Variants in NOTCH3 observed in about 807,000 individuals in gnomAD.
NOTCH3 encodes the protein neurogenic locus notch homolog protein 3.
A neutral mutation model predicts 213.3 loss-of-function variants in NOTCH3; 86 were observed. The ratio of observed to expected loss-of-function variants is 0.40; its 90% CI spans 0.34 to 0.48. The LOEUF (loss-of-function observed/expected upper bound fraction) is 0.48. NOTCH3 is among the 20% of genes least tolerant of loss of function. NOTCH3 has a pLI of 0.57. For synonymous variants in NOTCH3, 1,354 were observed against 1,355.9 expected (o/e 1.00, Z 0.03); for missense variants, 2,783 against 3,272.6 (o/e 0.85, Z 3.65).
At position 15,161,248 on chromosome 19, in the gene NOTCH3, T is replaced by C; in HGVS notation, c.6380A>G (p.Tyr2127Cys). ...SPGGFPLEGP[Y>C]AAATATAVSL... ...CACTGCAGTGGCAGTGGCAGCTGCA[T>C]AGGGCCCCTCAAGGGGGAAGCCACC... The change falls in exon 33 of 33, where the codon TAT becomes TGT. Residue 2127 changes from tyrosine (Y) to cysteine (C), a missense_variant. By Grantham distance (194) the Tyr-to-Cys change is radical. Around this residue, in one of 6 missense-constraint regions of NOTCH3, gnomAD observed 441 missense variants for 432.1 expected, o/e 1.02. Transcript: ENST00000263388. The C allele has an allele frequency of 1.9e-6, 3 of 1,547,454 alleles. No individual in the cohort carries two copies. Among genetic ancestry groups the C allele is most frequent in the Admixed American group, 2.0e-5 (1 of 50,924 alleles).
chr19:15,188,045 C>T (rs1317613049), intron 9 of NOTCH3, 51 bp from the exon 10 acceptor site: 2 of 1,374,328 alleles, frequency 1.5e-6, no homozygotes, highest in East Asian at 2.5e-5. Flanking sequence ...GAGAGCAGTA[C>T]ACCCCTCTCC....
chr19:15,178,281 T>C (rs532009082), intron 23 of NOTCH3, 191 bp from the exon 24 acceptor site: 335 of 540,958 alleles, frequency 6.2e-4, no homozygotes, highest in African/African-American at 6.1e-3. Flanking sequence ...CTTTCCACAC[T>C]GGAGACCCCA....
In NOTCH3 at chr19:15,176,121, T is replaced by C. The variant is rs567225845; in HGVS notation, c.4403+1404A>G. On this transcript the variant is annotated intron_variant, in intron 24 of 32. Transcript: ENST00000263388. ...CGGCCCAAGGATGGACAAACAGGAG[T>C]GGAGGAAGACAGTTGGGTACACAGA... 1.3e-4 allele frequency among the ~76,000 whole-genome samples: 20 copies of C among 148,852 alleles called. No individual in the cohort carries two copies. The South Asian group carries it at 4.2e-3, about 32-fold the overall frequency.
intron 29 of NOTCH3, among the ~76,000 whole-genome samples, chr19:15,166,509 G>A (rs1179583037): frequency 7.9e-6 from 1 of 127,148 alleles, no homozygotes. Flanking sequence ...TTTTAAAAGG[G>A]GGGGGGAAAA....
rs1345128367 is a variant in NOTCH3, at chr19:15,161,103, C to A, written c.6525G>T (p.Leu2175=). 2 of 1,539,406 alleles carry A rather than the reference C, an allele frequency of 1.3e-6. No homozygotes were observed. The highest frequency in any genetic ancestry group is 2.4e-5 in the East Asian group (1 of 41,258). ...AGGGGCCTGGAGGGGCAGGTGGGGGCAGCCGGGCCCAATCGAGGGGCACAG... is the reference window on the plus strand; with the variant it reads ...AGGGGCCTGGAGGGGCAGGTGGGGGAAGCCGGGCCCAATCGAGGGGCACAG... ...PVAVPLDWAR[L]PPPAPPGPSF... Residue 2175 remains leucine, a synonymous_variant, in exon 33 of 33, where the codon CTG becomes CTT. Coordinates refer to ENST00000263388, the MANE Select transcript of NOTCH3 (RefSeq NM_000435.3).
In NOTCH3 at chr19:15,191,763, A is replaced by G; in HGVS notation, c.784T>C (p.Cys262Arg). Residue 262 changes from cysteine (C) to arginine (R), a missense_variant, in exon 5 of 33, where the codon TGC (cysteine) becomes CGC (arginine). By Grantham distance (180) the Cys-to-Arg change is radical (BLOSUM62 -3). Around this residue, in one of 6 missense-constraint regions of NOTCH3, gnomAD observed 708 missense variants for 906.6 expected, o/e 0.78. Coordinates refer to ENST00000263388, the MANE Select transcript of NOTCH3 (RefSeq NM_000435.3). ...VDGVNTYNCQ[C>R]PPEWTGQFCT... Reference sequence around the variant, plus strand: ...TGCCCACCTGTCCACTCAGGAGGGCACTGGCAGTTATAGGTGTTGACGCCA... The same window carrying G: ...TGCCCACCTGTCCACTCAGGAGGGCGCTGGCAGTTATAGGTGTTGACGCCA... 1 of 1,613,870 alleles carries G rather than the reference A, an allele frequency of 6.2e-7. No homozygotes were observed. The highest frequency in any genetic ancestry group is 8.5e-7 in the Non-Finnish European group (1 of 1,180,028).
At chr19:15,188,063 C>T in intron 9 of NOTCH3, 69 bp from the exon 10 acceptor site, 1 of 1,290,260 alleles carries the variant, frequency 7.8e-7, no homozygotes, top group Non-Finnish European at 1.1e-6. Flanking sequence ...TCCAGCCCCG[C>T]CTTGTTTGGG....
At chr19:15,198,919 A>G (rs918139882) in intron 1 of NOTCH3, among the ~76,000 whole-genome samples, 2 of 151,204 alleles carry the variant, frequency 1.3e-5, no homozygotes, top group Non-Finnish European at 2.9e-5. Flanking sequence ...AAAAAAAAAA[A>G]GAGAGAGAGA....
At chr19:15,179,703 G>A in intron 20 of NOTCH3, 1 of 619,428 alleles carries the variant, frequency 1.6e-6, no homozygotes, top group Non-Finnish European at 2.9e-6. Flanking sequence ...CCAACATGGT[G>A]AAACCCTGTC....
chr19:15,173,506 G>A (rs1347762335), intron 25 of NOTCH3, among the ~76,000 whole-genome samples: 1 of 150,162 alleles, frequency 6.7e-6, no homozygotes, highest in East Asian at 2.0e-4. Context: ...GGGCTCAAGT[G>A]ATCCTCCAAG....
Position 15,192,511 on chromosome 19 carries a change from G to A in NOTCH3, c.206C>T (p.Pro69Leu), listed in dbSNP as rs2046938354. The change falls in exon 3 of 33, where the codon CCT becomes CTT. Residue 69 changes from proline to leucine, a missense_variant. This residue lies in a region of NOTCH3 where 708 missense variants were observed against 906.6 expected (regional missense o/e 0.78). Coordinates refer to ENST00000263388, the MANE Select transcript of NOTCH3 (RefSeq NM_000435.3). ...PSREAACLCP[P>L]GWVGERCQLE... ...CTGACACCGCTCACCCACCCAGCCAGGCGGGCACCTGTGGGCAGAGATGGC... is the reference window on the plus strand; with the variant it reads ...CTGACACCGCTCACCCACCCAGCCAAGCGGGCACCTGTGGGCAGAGATGGC... 6.3e-7 allele frequency: 1 copy of A among 1,588,328 alleles called. No homozygotes were observed. The highest frequency in any genetic ancestry group is 1.3e-5 in the African/African-American group (1 of 74,290).
chr19:15,177,598 G>C lies in NOTCH3; in HGVS notation c.4330C>G (p.Pro1444Ala). ...AGGCAGGCGGGCGAGCTGCAGGCGGGGTCGCAGCGGCTGTTGTTGAAGAGG... is the reference window on the plus strand; with the variant it reads ...AGGCAGGCGGGCGAGCTGCAGGCGGCGTCGCAGCGGCTGTTGTTGAAGAGG... ...WRLFNNSRCD[P>A]ACSSPACLYD... Residue 1444 changes from proline (P) to alanine (A), a missense_variant, in exon 24 of 33, where the codon CCC (proline) becomes GCC (alanine). This residue lies in a region of NOTCH3 where 636 missense variants were observed against 801.8 expected (regional missense o/e 0.79). Coordinates refer to ENST00000263388, the MANE Select transcript of NOTCH3 (RefSeq NM_000435.3). The C allele has an allele frequency of 6.3e-7, 1 of 1,599,388 alleles. No individual in the cohort carries two copies. The highest frequency in any genetic ancestry group is 8.5e-7 in the Non-Finnish European group (1 of 1,174,470).
chr19:15,161,025 G>A lies in NOTCH3; in HGVS notation c.6603C>T (p.Pro2201=), dbSNP rs200415679. 4.1e-5 allele frequency: 63 copies of A among 1,534,748 alleles called. No homozygotes were observed. The highest frequency in any genetic ancestry group is 8.4e-5 in the South Asian group (7 of 82,954). Residue 2201 remains proline (P), a synonymous_variant, in exon 33 of 33, where the codon CCC becomes CCT. Transcript: ENST00000263388. The stretch of plus-strand genomic sequence containing the variant: ...GCGGGGGCCGCTCCTGCGGGGAGAC[G>A]GGGGTCCCTGGGTTGAGCAGCTGGG... ...PGPQLLNPGT[P]VSPQERPPPY...
chr19:15,187,342 T>C lies in NOTCH3; in HGVS notation c.1607-4A>G, dbSNP rs1168453548. On this transcript the variant is annotated splice_polypyrimidine_tract_variant and splice_region_variant and intron_variant, in intron 10 of 32. Transcript: ENST00000263388. Reference sequence around the variant, plus strand: ...TCACACAGCGTGCCCTCAAAGCCTGTGGGGCCAAGAGGGTCAGGCTCCGCC... The same window carrying C: ...TCACACAGCGTGCCCTCAAAGCCTGCGGGGCCAAGAGGGTCAGGCTCCGCC... 3 of 1,612,254 alleles carry C rather than the reference T, an allele frequency of 1.9e-6. No individual in the cohort carries two copies. Among genetic ancestry groups the C allele is most frequent in the Non-Finnish European group, 2.5e-6 (3 of 1,179,326 alleles).
At chr19:15,200,688 G>C in intron 1 of NOTCH3, 100 bp downstream of exon 1, 2 of 940,410 alleles carry the variant, frequency 2.1e-6, no homozygotes, top group Non-Finnish European at 2.7e-6. Flanking sequence ...CCCCGACCCT[G>C]GTTCCTGCCT....
intron 28 of NOTCH3, 95 bp from the exon 29 acceptor site, chr19:15,167,506 CT>C: frequency 8.8e-7 from 1 of 1,137,740 alleles, no homozygotes; most frequent in Non-Finnish European, 1.3e-6. Flanking sequence ...ACAGGTTTCT[CT>C]TTAGGAGATA....
chr19:15,180,632 T>C (rs1001466688), intron 19 of NOTCH3, 49 bp downstream of exon 19: 11 of 1,537,912 alleles, frequency 7.2e-6, no homozygotes, highest in Non-Finnish European at 9.6e-6. Flanking sequence ...GGTACGTGCA[T>C]GAGCCCCTTC....
At position 15,187,304 on chromosome 19, in the gene NOTCH3, G is replaced by C; in HGVS notation, c.1641C>G (p.Asp547Glu). 3 of 1,613,888 alleles carry C rather than the reference G, an allele frequency of 1.9e-6. No individual in the cohort carries two copies. Among genetic ancestry groups the C allele is most frequent in the Non-Finnish European group, 2.5e-6 (3 of 1,179,978 alleles). ...FEGTLCDRNV[D>E]DCSPDPCHHG... ...GGTGGCATGGGTCAGGGGAGCAGTC[G>C]TCCACGTTGCGATCACACAGCGTGC... Residue 547 changes from aspartate to glutamate, a missense_variant, in exon 11 of 33, where the codon GAC (aspartate) becomes GAG (glutamate). This residue lies in a region of NOTCH3 where 708 missense variants were observed against 906.6 expected (regional missense o/e 0.78). Transcript: ENST00000263388.
chr19:15,188,930 G>A (rs535230228), intron 8 of NOTCH3, 59 bp downstream of exon 8: 815 of 1,533,060 alleles, frequency 5.3e-4, no homozygotes, highest in Admixed American at 1.4e-3. Flanking sequence ...CCCCATCCGC[G>A]GGCTTCTCTG....
Sources: gnomAD v4.1 joint callset for allele counts (sites outside exome capture counted in the v4.1 genomes callset) on GRCh38, gnomAD v4.1.1 for gene constraint, gnomAD v4.1.1 regional missense constraint, MANE v1.5 for transcripts, NCBI Gene and HGNC (gene_info 2026-07-23, HGNC 2026-07-21) for gene names.